The following DENND1A variants were observed in gnomAD, a reference collection of about 807,000 sequenced individuals.
DENND1A encodes DENN domain containing 1A, also known as DENN domain-containing protein 1A.
A neutral mutation model predicts 113.7 loss-of-function variants in DENND1A; 51 were observed. That is an observed-to-expected ratio of 0.45 (90% CI 0.36 to 0.57). DENND1A has a LOEUF of 0.57. Ranked by LOEUF, DENND1A falls within the 20% of genes least tolerant of loss-of-function variation. The pLI, the probability that DENND1A is intolerant of heterozygous loss-of-function variation, is 0.00. For missense variants in DENND1A, 1,258 were observed against 1,395.9 expected, an observed-to-expected ratio of 0.90 and a Z score of 1.57; for synonymous variants, 565 against 570.8, an observed-to-expected ratio of 0.99 and a Z score of 0.14.
intron 5 of DENND1A, among the ~76,000 whole-genome samples, chr9:123,737,857 T>A (rs1469486159): frequency 3.9e-5 from 6 of 152,216 alleles, no homozygotes; most frequent in Non-Finnish European, 8.8e-5. Flanking sequence ...GTAAATGGAC[T>A]GCCATTTGGG....
chr9:123,610,003 G>A (rs1331632589), intron 10 of DENND1A, among the ~76,000 whole-genome samples: 1 of 152,158 alleles, frequency 6.6e-6, no homozygotes, highest in Non-Finnish European at 1.5e-5. Flanking sequence ...CATTCTGATT[G>A]GACAAAGTAC....
intron 12 of DENND1A, among the ~76,000 whole-genome samples, chr9:123,575,611 C>T (rs1157028220): frequency 6.6e-6 from 1 of 152,170 alleles, no homozygotes; most frequent in Non-Finnish European, 1.5e-5. Context: ...GTAGTGTCTG[C>T]CAGTTTCTCC....
intron 13 of DENND1A, among the ~76,000 whole-genome samples, chr9:123,519,559 T>C (rs1317322612): frequency 6.6e-6 from 1 of 152,192 alleles, no homozygotes; most frequent in Non-Finnish European, 1.5e-5. Context: ...CGTCTCAGCC[T>C]CCTGAATAAC....
At chr9:123,547,160 G>T (rs1366757576) in intron 13 of DENND1A, among the ~76,000 whole-genome samples, 1 of 152,182 alleles carries the variant, frequency 6.6e-6, no homozygotes, top group Non-Finnish European at 1.5e-5. Flanking sequence ...ATTGAACAAT[G>T]GTCATTTTTT....
intron 5 of DENND1A, among the ~76,000 whole-genome samples, chr9:123,706,980 G>A (rs186781038): frequency 6.6e-6 from 1 of 152,302 alleles, no homozygotes; most frequent in Admixed American, 6.5e-5. Flanking sequence ...GGTGTAAGCA[G>A]CTGGAGTTCA....
chr9:123,674,831 GT>G (rs1027166574), intron 6 of DENND1A, among the ~76,000 whole-genome samples: 1 of 138,230 alleles, frequency 7.2e-6, no homozygotes. Context: ...GTTTTGCTGA[GT>G]TTTTTTCTCT....
intron 21 of DENND1A, among the ~76,000 whole-genome samples, chr9:123,403,029 C>G (rs2131321098): frequency 6.6e-6 from 1 of 152,296 alleles, no homozygotes; most frequent in East Asian, 1.9e-4. Context: ...CCATGGAGGC[C>G]TAGGAAGGTG....
At chr9:123,424,151 T>C (rs1291396452) in intron 19 of DENND1A, among the ~76,000 whole-genome samples, 2 of 152,144 alleles carry the variant, frequency 1.3e-5, no homozygotes, top group African/African-American at 4.8e-5. Flanking sequence ...GGGGGAGCTG[T>C]ACCCTCTTTC....
rs181853617 is a variant in DENND1A, at chr9:123,658,652, C to A, written c.508-6529G>T. ...CTTGCAGACAAATTGGCCCAAAAGC[C>A]AACTGAAAGGAATTGTTCTTTTTTC... is the stretch of plus-strand genomic sequence containing the variant. On this transcript the variant is annotated intron_variant, in intron 8 of 23. Transcript: ENST00000394215. Among the ~76,000 whole-genome samples the A allele has an allele frequency of 1.1e-4, 16 of 152,206 alleles. No homozygotes were observed. The East Asian group carries it at 2.9e-3, about 27-fold the overall frequency.
chr9:123,612,321 A>G (rs951184332), intron 10 of DENND1A, among the ~76,000 whole-genome samples: 1 of 152,222 alleles, frequency 6.6e-6, no homozygotes, highest in African/African-American at 2.4e-5. Flanking sequence ...AACAATTTCT[A>G]TTCTCACTGT....
chr9:123,634,011 T>C (rs1190649969), intron 9 of DENND1A, among the ~76,000 whole-genome samples: 1 of 152,214 alleles, frequency 6.6e-6, no homozygotes, highest in Non-Finnish European at 1.5e-5. Context: ...GTGATTCTCT[T>C]TGAAAAAGTC....
intron 12 of DENND1A, among the ~76,000 whole-genome samples, chr9:123,577,397 T>C (rs547264454): frequency 9.2e-5 from 14 of 152,334 alleles, no homozygotes; most frequent in African/African-American, 3.1e-4. Flanking sequence ...ATATTTATAG[T>C]CTTCATAAAA....
At chr9:123,768,810 A>C (rs1778889) in intron 4 of DENND1A, among the ~76,000 whole-genome samples, 1 of 149,230 alleles carries the variant, frequency 6.7e-6, no homozygotes, top group African/African-American at 2.5e-5. Flanking sequence ...AAAAAAAAAA[A>C]CTCCTCTAAA....
At chr9:123,887,002 G>A (rs1040226592) in intron 1 of DENND1A, among the ~76,000 whole-genome samples, 2 of 152,150 alleles carry the variant, frequency 1.3e-5, no homozygotes, top group Non-Finnish European at 2.9e-5. Context: ...GTAACTGGAG[G>A]AGGGTTAGCT....
At position 123,868,135 on chromosome 9, in the gene DENND1A, C is replaced by T. The variant is rs578044650; in HGVS notation, c.88+10816G>A. ...GATTTCACTGGGTTTCTGTCACTTC[C>T]AGTGAAAAGGATCCTGACTGATGCA... On this transcript the variant is annotated intron_variant, in intron 2 of 23. Transcript: ENST00000394215. Among the ~76,000 whole-genome samples, 57 of 152,298 alleles carry T rather than the reference C, an allele frequency of 3.7e-4. No homozygotes were observed. In the South Asian group the frequency reaches 4.6e-3, roughly 12 times the overall value.
chr9:123,751,274 A>G (rs986029003), intron 5 of DENND1A: 5 of 152,250 alleles, frequency 3.3e-5, no homozygotes, highest in African/African-American at 1.2e-4. Context: ...TGGTCATTCC[A>G]GTCTTGAGAT....
At chr9:123,462,424 T>C (rs527730646) in intron 13 of DENND1A, among the ~76,000 whole-genome samples, 1 of 152,238 alleles carries the variant, frequency 6.6e-6, no homozygotes, top group Non-Finnish European at 1.5e-5. Flanking sequence ...TGTGGTCTAC[T>C]GCAGGCCTGG....
chr9:123,616,506 T>C (rs1172837407), intron 10 of DENND1A, among the ~76,000 whole-genome samples: 1 of 152,220 alleles, frequency 6.6e-6, no homozygotes, highest in Non-Finnish European at 1.5e-5. Flanking sequence ...AAGCGGGATT[T>C]AAGGCAATTT....
intron 21 of DENND1A, among the ~76,000 whole-genome samples, chr9:123,390,004 T>C (rs1474965957): frequency 1.3e-5 from 2 of 152,218 alleles, no homozygotes; most frequent in Admixed American, 6.5e-5. Context: ...GCCCTGGATA[T>C]TCCCCCTCCC....
Sources: gnomAD v4.1 joint callset for allele counts (sites outside exome capture counted in the v4.1 genomes callset) on GRCh38, gnomAD v4.1.1 for gene constraint, MANE v1.5 for transcripts, NCBI Gene and HGNC (gene_info 2026-07-23, HGNC 2026-07-21) for gene names.